SARDH: variants seen among roughly 807,000 people sequenced by gnomAD.
The protein encoded by SARDH is sarcosine dehydrogenase, also known as sarcosine dehydrogenase, mitochondrial.
In SARDH, 95 loss-of-function variants were observed where a neutral mutation model predicts 109.1. The observed-to-expected ratio is 0.87, with a 90% CI of 0.74 to 1.03. The LOEUF (loss-of-function observed/expected upper bound fraction) is 1.03, where lower values mean the gene tolerates loss of function less well. SARDH is among the 50% of genes least tolerant of loss of function. The probability of loss-of-function intolerance (pLI) is 0.00; values close to 1 mark genes in which losing one functional copy is unlikely to be tolerated. For missense variants in SARDH, 1,267 were observed against 1,287.8 expected (o/e 0.98, Z 0.25); for synonymous variants, 572 against 534.8 (o/e 1.07, Z -0.96).
At chr9:133,685,054 C>T (rs1205590555) in intron 17 of SARDH, 139 bp downstream of exon 17, 2 of 660,768 alleles carry the variant, frequency 3.0e-6, no homozygotes, top group Non-Finnish European at 5.1e-6. Context: ...GTCCCACTGT[C>T]CCCCCTTCAC....
chr9:133,731,377 C>T lies in SARDH; in HGVS notation c.618G>A (p.Pro206=), dbSNP rs371726703. ...CAGCGGGGTCCATGGTACCGTCGTG[C>T]GGCACATACAGGGTCCCGTAGAGGT... ...VDDLYGTLYV[P]HDGTMDPAGT... The change falls in exon 4 of 21, where the codon CCG becomes CCA. Residue 206 remains proline, a synonymous_variant. Coordinates refer to ENST00000439388, the MANE Select transcript of SARDH (RefSeq NM_001134707.2). The T allele has an allele frequency of 5.0e-6, 8 of 1,614,044 alleles. No individual in the cohort carries two copies. The African/African-American group carries it at 5.3e-5, about 11-fold the overall frequency.
chr9:133,674,579 T>C (rs1830455045), intron 17 of SARDH, among the ~76,000 whole-genome samples: 1 of 152,138 alleles, frequency 6.6e-6, no homozygotes, highest in East Asian at 1.9e-4. Context: ...GAAAGTGAAG[T>C]CAAATGAACC....
intron 18 of SARDH, among the ~76,000 whole-genome samples, 181 bp downstream of exon 18, chr9:133,671,354 T>C (rs997405694): frequency 6.6e-6 from 1 of 151,190 alleles, no homozygotes; most frequent in Non-Finnish European, 1.5e-5. Flanking sequence ...CAGCAAGAGG[T>C]TTTGGGGAAA....
downstream of SARDH, among the ~76,000 whole-genome samples, chr9:133,660,791 C>A (rs1832402935): frequency 6.6e-6 from 1 of 152,194 alleles, no homozygotes; most frequent in African/African-American, 2.4e-5. Context: ...GTGGGGCGAC[C>A]CCAGGCTCCA....
rs779006862 is a variant in SARDH, at chr9:133,692,949, C to T, written c.1921+1309G>A. Reference sequence around the variant, plus strand: ...TCATCTCCGCCACCAGCCTCCAGACCGCAGGGCTCACCTCACTACTCCCTG... The same window carrying T: ...TCATCTCCGCCACCAGCCTCCAGACTGCAGGGCTCACCTCACTACTCCCTG... On this transcript the variant is annotated intron_variant, in intron 15 of 20. Coordinates refer to ENST00000439388, the MANE Select transcript of SARDH (RefSeq NM_001134707.2). The surrounding 1 kb of genome is among the most constrained non-coding windows in gnomAD (Gnocchi z 5.0). Among the ~76,000 whole-genome samples the T allele has an allele frequency of 6.6e-6, 1 of 152,080 alleles. No homozygotes were observed. The highest frequency in any genetic ancestry group is 1.5e-5 in the Non-Finnish European group (1 of 68,006).
At position 133,713,095 on chromosome 9, in the gene SARDH, T is replaced by C. The variant is rs746393902; in HGVS notation, c.1180A>G (p.Met394Val). Residue 394 changes from methionine (M) to valine (V), a missense_variant, in exon 9 of 21, where the codon ATG (methionine) becomes GTG (valine). By Grantham distance (21) the Met-to-Val change is conservative (BLOSUM62 1). Coordinates refer to ENST00000439388, the MANE Select transcript of SARDH (RefSeq NM_001134707.2). ...CCTCGGAGCTCAGGTGCCTCCCCCA[T>C]CAGGGGCTTGTGGTCGGGCGTGAAG... ...ESFTPDHKPLMGEAPELRGFF... is the reference protein window; with the variant it reads ...ESFTPDHKPLVGEAPELRGFF... 1 of 1,613,408 alleles carries C rather than the reference T, an allele frequency of 6.2e-7. No individual in the cohort carries two copies. Among genetic ancestry groups the C allele is most frequent in the South Asian group, 1.1e-5 (1 of 90,952 alleles).
intron 8 of SARDH, among the ~76,000 whole-genome samples, chr9:133,713,987 C>T (rs1402691201): frequency 6.6e-6 from 1 of 152,206 alleles, no homozygotes; most frequent in Non-Finnish European, 1.5e-5. Flanking sequence ...AAGCAAAAAA[C>T]AGACGGTCTC....
At chr9:133,733,785 C>G in intron 2 of SARDH, 58 bp downstream of exon 2, 3 of 1,387,896 alleles carry the variant, frequency 2.2e-6, no homozygotes, top group Non-Finnish European at 2.8e-6. Flanking sequence ...TAGCAATGGG[C>G]TGTGGCCCCT....
chr9:133,734,176 G>A lies in SARDH; in HGVS notation c.-3C>T, dbSNP rs1221789893. Reference sequence around the variant, plus strand: ...AGGGCTCGGCTCAGTGAGGCCATGGGGGCTCCAGGCCTCAGCGAAACAGGG... The same window carrying A: ...AGGGCTCGGCTCAGTGAGGCCATGGAGGCTCCAGGCCTCAGCGAAACAGGG... On this transcript the variant is annotated 5_prime_UTR_variant, in exon 2 of 21. Transcript: ENST00000439388. 4.4e-6 allele frequency: 7 copies of A among 1,576,446 alleles called. No homozygotes were observed. The Admixed American group carries it at 1.1e-4, about 24-fold the overall frequency.
intron 14 of SARDH, among the ~76,000 whole-genome samples, chr9:133,695,158 G>A (rs1294952673): frequency 6.6e-6 from 1 of 152,148 alleles, no homozygotes; most frequent in Admixed American, 6.5e-5. Context: ...TCTGACTGCT[G>A]TCCTTCTAAC....
rs529155762 is a variant in SARDH, at chr9:133,686,285, C to T, written c.2070-999G>A. ...CACTGGAGCCAACACCCATGGTCTC[C>T]CAGGAAGCCCTCACCTCCTGGGCAC... On this transcript the variant is annotated intron_variant, in intron 16 of 20. Transcript: ENST00000439388. The surrounding 1 kb of genome is among the most constrained non-coding windows in gnomAD (Gnocchi z 4.0). Among the ~76,000 whole-genome samples, 1 of 152,164 alleles carries T rather than the reference C, an allele frequency of 6.6e-6. No individual in the cohort carries two copies. The highest frequency in any genetic ancestry group is 2.1e-4 in the South Asian group (1 of 4,816).
chr9:133,694,405 G>A, intron 14 of SARDH, 34 bp from the exon 15 acceptor site: 1 of 1,516,232 alleles, frequency 6.6e-7, no homozygotes, highest in South Asian at 1.2e-5. Flanking sequence ...GGTCTGTGCT[G>A]AGGCCCCAGC....
At chr9:133,687,384 C>T (rs1830922623) in intron 16 of SARDH, among the ~76,000 whole-genome samples, 1 of 152,240 alleles carries the variant, frequency 6.6e-6, no homozygotes, top group Non-Finnish European at 1.5e-5. Context: ...GATCCTCCAG[C>T]CTTGGGCTCC....
chr9:133,669,746 C>T (rs1002511625), intron 19 of SARDH, among the ~76,000 whole-genome samples: 11 of 152,208 alleles, frequency 7.2e-5, no homozygotes, highest in African/African-American at 2.7e-4. Context: ...GGTCTCCATT[C>T]GTGAGTGGGG....
chr9:133,677,703 G>A (rs129937), intron 17 of SARDH, among the ~76,000 whole-genome samples: 15,401 of 152,268 alleles, frequency 0.1, 1,593 homozygotes, highest in African/African-American at 0.26. Context: ...CTTGGCCCTG[G>A]CTGGGGGCAA....
At chr9:133,690,960 G>A (rs1831070300) in intron 15 of SARDH, among the ~76,000 whole-genome samples, 1 of 152,126 alleles carries the variant, frequency 6.6e-6, no homozygotes, top group Non-Finnish European at 1.5e-5. Flanking sequence ...GCTATTGGAA[G>A]CACCCTTGGA....
At chr9:133,734,404 TTCACTCATTCATTCATTCATTCAC>T (rs1407922174) in intron 1 of SARDH, among the ~76,000 whole-genome samples, 17 of 77,570 alleles carry the variant, frequency 2.2e-4, no homozygotes, top group African/African-American at 8.3e-4. Context: ...CACTCATTCA[TTCACTCATTCATTCATTCATTCAC>T]TCATTCATTC....
In SARDH at chr9:133,693,801, G is replaced by A. The variant is rs1210672695; in HGVS notation, c.1921+457C>T. On this transcript the variant is annotated intron_variant, in intron 15 of 20. Coordinates refer to ENST00000439388, the MANE Select transcript of SARDH (RefSeq NM_001134707.2). This position sits in a 1 kb window ranked among gnomAD's most constrained non-coding sequence, Gnocchi z 5.6. ...TGGTGGGACTGCAGCAGGCAATCAGGCATCAGCGTGGGCCCTGAACTGGAC... is the reference window on the plus strand; with the variant it reads ...TGGTGGGACTGCAGCAGGCAATCAGACATCAGCGTGGGCCCTGAACTGGAC... Among the ~76,000 whole-genome samples the A allele has an allele frequency of 6.6e-6, 1 of 152,214 alleles. No individual in the cohort carries two copies. Among genetic ancestry groups the A allele is most frequent in the Non-Finnish European group, 1.5e-5 (1 of 68,046 alleles).
chr9:133,702,689 C>G (rs182833575), intron 13 of SARDH, among the ~76,000 whole-genome samples: 2 of 152,236 alleles, frequency 1.3e-5, no homozygotes, highest in South Asian at 4.1e-4. Flanking sequence ...GCACCACTTC[C>G]GCTCAGGCCT....
Sources: allele counts gnomAD v4.1 joint callset (sites outside exome capture counted in the v4.1 genomes callset), GRCh38; gene constraint gnomAD v4.1.1; non-coding constraint Gnocchi (gnomAD v3.1); transcripts MANE v1.5; gene names NCBI Gene and HGNC (gene_info 2026-07-23, HGNC 2026-07-21).